Variants in UMAD1 observed in about 807,000 individuals in gnomAD.
UMAD1 encodes the protein UBAP1-MVB12-associated (UMA) domain containing 1.
In UMAD1, 8 loss-of-function variants were observed where a neutral mutation model predicts 6.1. That is an observed-to-expected ratio of 1.30 (90% CI 0.76 to 2.35). The LOEUF is 2.35. Among genes scored for constraint, UMAD1 ranks in the 30% most tolerant of loss-of-function variants. The pLI is 0.00. For synonymous variants in UMAD1, 56 were observed against 31.4 expected (o/e 1.78, Z -2.61); for missense variants, 130 against 78.4 (o/e 1.66, Z -2.49).
intron 2 of UMAD1, among the ~76,000 whole-genome samples, chr7:7,709,176 G>T (rs1780685733): frequency 6.6e-6 from 1 of 152,160 alleles, no homozygotes; most frequent in Non-Finnish European, 1.5e-5. Context: ...GTTTGAAATT[G>T]ACTGTCTTTG....
intron 2 of UMAD1, among the ~76,000 whole-genome samples, chr7:7,712,034 A>C (rs1780777839): frequency 6.6e-6 from 1 of 152,046 alleles, no homozygotes; most frequent in Non-Finnish European, 1.5e-5. Flanking sequence ...GTATCTTCCA[A>C]GCTTACTCTT....
chr7:7,775,057 C>T (rs530079005), intron 2 of UMAD1, among the ~76,000 whole-genome samples: 5 of 152,198 alleles, frequency 3.3e-5, no homozygotes, highest in African/African-American at 1.2e-4. Context: ...TTTAAGTTCA[C>T]TGTCATATGT....
intron 2 of UMAD1, among the ~76,000 whole-genome samples, chr7:7,735,400 C>G (rs17136944): frequency 0.081 from 12,157 of 150,092 alleles, 573 homozygotes; most frequent in African/African-American, 0.13. Flanking sequence ...TGGGGTAAAT[C>G]CCACATCCTC....
At chr7:7,693,765 T>A (rs905579550) in intron 2 of UMAD1, among the ~76,000 whole-genome samples, 1 of 152,200 alleles carries the variant, frequency 6.6e-6, no homozygotes, top group Non-Finnish European at 1.5e-5. Context: ...TTTAAATATT[T>A]TGTAAGATGT....
chr7:7,646,181 G>A (rs1785089703), intron 1 of UMAD1, among the ~76,000 whole-genome samples: 2 of 152,202 alleles, frequency 1.3e-5, no homozygotes, highest in African/African-American at 2.4e-5. Flanking sequence ...CACACCCAGT[G>A]CATCCTGAAT....
At chr7:7,825,828 C>A (rs183880249) in intron 3 of UMAD1, among the ~76,000 whole-genome samples, 165 of 152,202 alleles carry the variant, frequency 1.1e-3, no homozygotes, top group African/African-American at 3.8e-3. Flanking sequence ...GTATAATTGT[C>A]CCTCAGTATA....
chr7:7,812,675 A>G (rs1313482611), intron 3 of UMAD1, among the ~76,000 whole-genome samples: 1 of 152,186 alleles, frequency 6.6e-6, no homozygotes, highest in Non-Finnish European at 1.5e-5. Flanking sequence ...TATTCTGTTT[A>G]TACTTTGGTA....
chr7:7,801,299 G>C (rs182190820), intron 2 of UMAD1, among the ~76,000 whole-genome samples: 1 of 152,286 alleles, frequency 6.6e-6, no homozygotes, highest in East Asian at 1.9e-4. Context: ...AACTAACTTG[G>C]AGGACAGTTA....
intron 2 of UMAD1, among the ~76,000 whole-genome samples, chr7:7,714,898 G>C (rs1303658207): frequency 8.7e-6 from 1 of 114,410 alleles, no homozygotes; most frequent in African/African-American, 3.4e-5. Flanking sequence ...TTGCAGACCT[G>C]TTGTACCATG....
chr7:7,764,304 A>G (rs1781946554), intron 2 of UMAD1, among the ~76,000 whole-genome samples: 1 of 152,348 alleles, frequency 6.6e-6, no homozygotes, highest in South Asian at 2.1e-4. Context: ...ACCCATAGCT[A>G]TCAATATATT....
intron 2 of UMAD1, chr7:7,742,356 C>T (rs1781487752): frequency 5.0e-6 from 3 of 600,326 alleles, no homozygotes; most frequent in African/African-American, 1.8e-5. Flanking sequence ...CTCCTGGGGG[C>T]GCTCTTCCGA....
At chr7:7,672,857 G>A (rs1460307271) in intron 1 of UMAD1, among the ~76,000 whole-genome samples, 2 of 152,158 alleles carry the variant, frequency 1.3e-5, no homozygotes, top group African/African-American at 4.8e-5. Context: ...CATCAGTAGG[G>A]GATGTTTGAT....
intron 3 of UMAD1, among the ~76,000 whole-genome samples, chr7:7,826,021 T>C (rs929573250): frequency 2.0e-5 from 3 of 152,182 alleles, no homozygotes; most frequent in African/African-American, 7.2e-5. Context: ...TGTTATGATG[T>C]AGTGTTTTTA....
At chr7:7,709,489 T>C (rs1281890156) in intron 2 of UMAD1, among the ~76,000 whole-genome samples, 2 of 152,156 alleles carry the variant, frequency 1.3e-5, no homozygotes, top group African/African-American at 4.8e-5. Context: ...CAGAAGGAAC[T>C]GTGTGGAGAG....
chr7:7,682,336 A>G (rs891036784), intron 2 of UMAD1, among the ~76,000 whole-genome samples: 1 of 152,216 alleles, frequency 6.6e-6, no homozygotes, highest in Non-Finnish European at 1.5e-5. Flanking sequence ...ATGATCAGTC[A>G]GATATTGAAA....
At chr7:7,681,570 C>A (rs1779913282) in intron 2 of UMAD1, among the ~76,000 whole-genome samples, 1 of 152,122 alleles carries the variant, frequency 6.6e-6, no homozygotes, top group Admixed American at 6.6e-5. Context: ...AGTTCCTATT[C>A]ACGTAAGAAG....
At chr7:7,798,500 C>T (rs1173496218) in intron 2 of UMAD1, among the ~76,000 whole-genome samples, 2 of 152,134 alleles carry the variant, frequency 1.3e-5, no homozygotes, top group African/African-American at 4.8e-5. Context: ...TTGCATCAGT[C>T]AGAAGTATTT....
intron 2 of UMAD1, among the ~76,000 whole-genome samples, chr7:7,798,379 A>G (rs1043169711): frequency 6.6e-5 from 10 of 152,238 alleles, no homozygotes; most frequent in Non-Finnish European, 1.3e-4. Context: ...TGGCTGTACT[A>G]TAAGGATAAT....
intron 3 of UMAD1, among the ~76,000 whole-genome samples, chr7:7,873,350 C>T (rs975972319): frequency 6.6e-6 from 1 of 152,112 alleles, no homozygotes; most frequent in Admixed American, 6.5e-5. Flanking sequence ...CGTTGCTTCC[C>T]TTTCAGTTTT....
Sources: gnomAD v4.1 joint callset for allele counts (sites outside exome capture counted in the v4.1 genomes callset) on GRCh38, gnomAD v4.1.1 for gene constraint, MANE v1.5 for transcripts, NCBI Gene and HGNC (gene_info 2026-07-23, HGNC 2026-07-21) for gene names.